Variants in EXT1 observed in about 807,000 individuals in gnomAD.
EXT1 encodes the protein exostosin-1.
Under a neutral mutation model 82.5 loss-of-function variants are expected in EXT1, and 20 were observed. That is an observed-to-expected ratio of 0.24 (90% CI 0.17 to 0.35). The LOEUF (loss-of-function observed/expected upper bound fraction) is 0.35. Among genes scored for constraint, EXT1 ranks in the 10% least tolerant of loss-of-function variants. The pLI, the probability that EXT1 is intolerant of heterozygous loss-of-function variation, is 1.00. For missense variants in EXT1, 757 were observed against 936.5 expected (o/e 0.81, Z 2.50); for synonymous variants, 348 against 350.8 (o/e 0.99, Z 0.09).
intron 1 of EXT1, among the ~76,000 whole-genome samples, chr8:118,083,806 T>C (rs889524219): frequency 6.6e-6 from 1 of 152,066 alleles, no homozygotes; most frequent in Non-Finnish European, 1.5e-5. Context: ...GACGAGCAGA[T>C]CACTTGGGGT....
chr8:117,863,071 A>G (rs1812712807), intron 1 of EXT1, among the ~76,000 whole-genome samples: 1 of 152,188 alleles, frequency 6.6e-6, no homozygotes, highest in Non-Finnish European at 1.5e-5. Context: ...GCTTTGATGC[A>G]TACTCATGTA....
chr8:117,936,095 T>C (rs1005366413), intron 1 of EXT1, among the ~76,000 whole-genome samples: 1 of 152,206 alleles, frequency 6.6e-6, no homozygotes, highest in Non-Finnish European at 1.5e-5. Flanking sequence ...TCAAGTAGAA[T>C]GGCGATCTGA....
chr8:117,874,457 T>C (rs552585149), intron 1 of EXT1, among the ~76,000 whole-genome samples: 37 of 151,184 alleles, frequency 2.4e-4, no homozygotes, highest in African/African-American at 9.0e-4. Flanking sequence ...ATGCCTGTAA[T>C]CCCAGCTACT....
chr8:117,976,799 GA>G (rs1815074068), intron 1 of EXT1, among the ~76,000 whole-genome samples: 1 of 152,156 alleles, frequency 6.6e-6, no homozygotes, highest in South Asian at 2.1e-4. Flanking sequence ...AATAGTAGCA[GA>G]GGGGCTTGGA....
intron 1 of EXT1, among the ~76,000 whole-genome samples, chr8:117,955,925 T>G (rs1409852270): frequency 6.6e-6 from 1 of 152,208 alleles, no homozygotes; most frequent in Non-Finnish European, 1.5e-5. Flanking sequence ...CCTGCCCTTA[T>G]GGCAAGGATC....
At chr8:118,025,975 G>A (rs1182326375) in intron 1 of EXT1, among the ~76,000 whole-genome samples, 3 of 152,254 alleles carry the variant, frequency 2.0e-5, no homozygotes, top group East Asian at 3.9e-4. Context: ...AGGTAAAAAT[G>A]CAGACAAAGG....
intron 1 of EXT1, among the ~76,000 whole-genome samples, chr8:118,099,683 G>C (rs1386980598): frequency 2.0e-5 from 3 of 152,170 alleles, no homozygotes; most frequent in African/African-American, 7.2e-5. Flanking sequence ...CTGTAAAATG[G>C]AGATAAAATG....
At chr8:118,109,353 C>A (rs1252852596) in intron 1 of EXT1, among the ~76,000 whole-genome samples, 1 of 97,890 alleles carries the variant, frequency 1.0e-5, no homozygotes, top group African/African-American at 3.7e-5. Flanking sequence ...AGACTGAGGC[C>A]CACATTTAAA....
chr8:118,018,285 T>C (rs1480992832), intron 1 of EXT1, among the ~76,000 whole-genome samples: 1 of 151,872 alleles, frequency 6.6e-6, no homozygotes, highest in Admixed American at 6.6e-5. Context: ...GGTGTCCTTA[T>C]AGGAAGGGGA....
At chr8:117,830,033 T>C (rs1338388591) in intron 4 of EXT1, among the ~76,000 whole-genome samples, 197 bp downstream of exon 4, 1 of 152,180 alleles carries the variant, frequency 6.6e-6, no homozygotes, top group Non-Finnish European at 1.5e-5. Flanking sequence ...GGTTTTCCTT[T>C]GTGGAGTTTG....
intron 1 of EXT1, among the ~76,000 whole-genome samples, chr8:117,868,531 A>G (rs1812812767): frequency 6.6e-6 from 1 of 152,148 alleles, no homozygotes; most frequent in South Asian, 2.1e-4. Context: ...AGCTTACCAC[A>G]GCCTCAACCT....
chr8:117,894,989 A>C (rs1190386163), intron 1 of EXT1, among the ~76,000 whole-genome samples: 2 of 152,232 alleles, frequency 1.3e-5, no homozygotes, highest in Non-Finnish European at 1.5e-5. Context: ...GATTAGATTA[A>C]GCATCAACTG....
intron 1 of EXT1, among the ~76,000 whole-genome samples, chr8:117,956,972 C>A (rs1489177666): frequency 6.6e-6 from 1 of 152,140 alleles, no homozygotes; most frequent in Admixed American, 6.5e-5. Context: ...CATGAAGTGG[C>A]AAGTTTGAAA....
chr8:117,818,418 T>C lies in EXT1; in HGVS notation c.1632+17A>G. The C allele has an allele frequency of 3.1e-6, 5 of 1,610,698 alleles. No homozygotes were observed. The highest frequency in any genetic ancestry group is 4.2e-6 in the Non-Finnish European group (5 of 1,177,006). ...GCTCCACAGTGGTTCCACATATAGGTCCCCTTCGAGTCTTACCTTGCTCTC... is the reference window on the plus strand; with the variant it reads ...GCTCCACAGTGGTTCCACATATAGGCCCCCTTCGAGTCTTACCTTGCTCTC... On this transcript the variant is annotated intron_variant, in intron 7 of 10. Coordinates refer to ENST00000378204, the MANE Select transcript of EXT1 (RefSeq NM_000127.3).
intron 1 of EXT1, among the ~76,000 whole-genome samples, chr8:118,038,815 G>A (rs1242084439): frequency 6.6e-6 from 1 of 152,174 alleles, no homozygotes; most frequent in African/African-American, 2.4e-5. Context: ...CTCACTGCCT[G>A]CACTGATTTC....
chr8:117,896,147 C>T (rs561798783), intron 1 of EXT1, among the ~76,000 whole-genome samples: 15 of 152,310 alleles, frequency 9.8e-5, no homozygotes, highest in African/African-American at 3.4e-4. Flanking sequence ...CTTGAAAACT[C>T]ACATTCAGGC....
intron 4 of EXT1, among the ~76,000 whole-genome samples, chr8:117,823,737 T>C (rs980355398): frequency 1.3e-5 from 2 of 152,162 alleles, no homozygotes. Flanking sequence ...ATTTTCCTAA[T>C]GACAGAGAAG....
At chr8:117,962,880 T>C (rs1019083343) in intron 1 of EXT1, among the ~76,000 whole-genome samples, 1 of 151,776 alleles carries the variant, frequency 6.6e-6, no homozygotes, top group African/African-American at 2.4e-5. Flanking sequence ...GGGCTGTAAT[T>C]GCACTGCTGC....
At chr8:117,906,776 T>C (rs953354517) in intron 1 of EXT1, among the ~76,000 whole-genome samples, 1 of 152,186 alleles carries the variant, frequency 6.6e-6, no homozygotes, top group Non-Finnish European at 1.5e-5. Context: ...GAATGGTGTA[T>C]GGTTTACACC....
Sources: gnomAD v4.1 joint callset for allele counts (sites outside exome capture counted in the v4.1 genomes callset) on GRCh38, gnomAD v4.1.1 for gene constraint, MANE v1.5 for transcripts, NCBI Gene and HGNC (gene_info 2026-07-23, HGNC 2026-07-21) for gene names.